The following RTN4 variants were observed in gnomAD, a reference collection of about 807,000 sequenced individuals.
RTN4 encodes the protein reticulon-4.
A neutral mutation model predicts 90.4 loss-of-function variants in RTN4; 32 were observed. That is an observed-to-expected ratio of 0.35 (90% confidence interval 0.27 to 0.48). The LOEUF (loss-of-function observed/expected upper bound fraction) is 0.48. RTN4 is among the 20% of genes least tolerant of loss of function. The probability of loss-of-function intolerance (pLI) is 0.99; values close to 1 mark genes in which losing one functional copy is unlikely to be tolerated. For missense variants in RTN4, 1,706 were observed against 1,430.2 expected, an observed-to-expected ratio of 1.19 and a Z score of -3.11; for synonymous variants, 629 against 552.5, an observed-to-expected ratio of 1.14 and a Z score of -1.94.
In RTN4 at chr2:55,009,928, A is replaced by G. The variant is rs758990567; in HGVS notation, c.3013+15158T>C. On this transcript the variant is annotated intron_variant, in intron 3 of 8. Transcript: ENST00000337526. ...CATGACATTTTCTGGTATACAACCA[A>G]ATGTAAAAACACGTGAGATAGCCGT... Among the ~76,000 whole-genome samples the G allele has an allele frequency of 2.0e-5, 3 of 152,234 alleles. No homozygotes were observed. In the South Asian group the frequency reaches 6.2e-4, roughly 32 times the overall value.
chr2:55,107,232 T>C (rs1033234276), intron 1 of RTN4, among the ~76,000 whole-genome samples: 2 of 151,696 alleles, frequency 1.3e-5, no homozygotes, highest in Admixed American at 6.6e-5. Flanking sequence ...GTCTGGCACA[T>C]TGCAATAATC....
intron 1 of RTN4, among the ~76,000 whole-genome samples, chr2:55,033,075 G>C (rs1220420942): frequency 6.7e-6 from 1 of 149,230 alleles, no homozygotes; most frequent in Non-Finnish European, 1.5e-5. Flanking sequence ...AGAAAAAATG[G>C]CCTAAAATTG....
chr2:55,108,666 C>T (rs756138667), intron 1 of RTN4, among the ~76,000 whole-genome samples: 13 of 152,094 alleles, frequency 8.5e-5, no homozygotes, highest in Non-Finnish European at 1.9e-4. Context: ...TCCTTACCCA[C>T]CTCTCCTCTC....
At chr2:55,098,849 T>C (rs957144782) in intron 1 of RTN4, among the ~76,000 whole-genome samples, 1 of 152,114 alleles carries the variant, frequency 6.6e-6, no homozygotes, top group Non-Finnish European at 1.5e-5. Context: ...CTGCCTTCAT[T>C]CCCCCAATGT....
At chr2:55,123,291 A>T in the RTN4 span, among the ~76,000 whole-genome samples, 29 of 152,324 alleles carry the variant, frequency 1.9e-4, no homozygotes, top group African/African-American at 5.5e-4. Context: ...TGTCACTCAT[A>T]AATTTATATT....
At chr2:55,081,300 C>T (rs1188503070) in intron 1 of RTN4, among the ~76,000 whole-genome samples, 1 of 151,926 alleles carries the variant, frequency 6.6e-6, no homozygotes. Context: ...TCGGCTCGAA[C>T]TCCTGGGCTC....
intron 3 of RTN4, among the ~76,000 whole-genome samples, chr2:55,018,121 T>C (rs565977630): frequency 1.3e-5 from 2 of 152,212 alleles, no homozygotes; most frequent in Non-Finnish European, 2.9e-5. Flanking sequence ...TTACTTAACA[T>C]CCTTAGGCTT....
Position 54,987,670 on chromosome 2 carries a change from A to G in RTN4, c.3042T>C (p.Ile1014=). 1 of 1,614,104 alleles carries G rather than the reference A, an allele frequency of 6.2e-7. No homozygotes were observed. The highest frequency in any genetic ancestry group is 8.5e-7 in the Non-Finnish European group (1 of 1,179,948). Reference sequence around the variant, plus strand: ...CACCAAACACCACTCCAGTCTTCTTAATGTCTCTCCAGTACAGGAGGTCAA... The same window carrying G: ...CACCAAACACCACTCCAGTCTTCTTGATGTCTCTCCAGTACAGGAGGTCAA... ...SVVDLLYWRD[I]KKTGVVFGAS... The change falls in exon 4 of 9, where the codon ATT becomes ATC. Residue 1014 remains isoleucine, a synonymous_variant. Coordinates refer to ENST00000337526, the MANE Select transcript of RTN4 (RefSeq NM_020532.5).
At chr2:55,071,403 A>G (rs1275219644) in intron 2 of RTN4, among the ~76,000 whole-genome samples, 1 of 152,136 alleles carries the variant, frequency 6.6e-6, no homozygotes. Context: ...AAGAAAATGT[A>G]ACCAGACATA....
the RTN4 span, among the ~76,000 whole-genome samples, chr2:55,128,209 T>C: frequency 2.0e-5 from 3 of 152,086 alleles, no homozygotes; most frequent in African/African-American, 7.2e-5. Context: ...TCAAAACTAC[T>C]CCTGTTACAC....
chr2:55,084,012 G>C (rs528132431), intron 1 of RTN4, among the ~76,000 whole-genome samples: 14 of 152,310 alleles, frequency 9.2e-5, no homozygotes, highest in African/African-American at 2.6e-4. Flanking sequence ...TTTCTGGAAG[G>C]GGGGTGGTCA....
chr2:55,074,542 T>G (rs1398945802), intron 2 of RTN4, among the ~76,000 whole-genome samples: 1 of 126,786 alleles, frequency 7.9e-6, no homozygotes, highest in South Asian at 2.4e-4. Flanking sequence ...AAAAAGAAAA[T>G]ATGGAGAAAG....
At chr2:54,995,138 G>A (rs1016085553) in intron 3 of RTN4, among the ~76,000 whole-genome samples, 2 of 151,944 alleles carry the variant, frequency 1.3e-5, no homozygotes, top group African/African-American at 4.8e-5. Context: ...TACTCGGGAG[G>A]CTGAGGCAGG....
chr2:55,078,472 C>T (rs1176553336), intron 2 of RTN4, among the ~76,000 whole-genome samples: 1 of 152,172 alleles, frequency 6.6e-6, no homozygotes, highest in Non-Finnish European at 1.5e-5. Context: ...TCTTCTTCTA[C>T]ATTATAGAGA....
At chr2:55,119,461 T>C in the RTN4 span, among the ~76,000 whole-genome samples, 166 of 152,284 alleles carry the variant, frequency 1.1e-3, 1 homozygote, top group African/African-American at 3.7e-3. Context: ...AGAGAGCTCG[T>C]GTGATAGCTG....
At chr2:54,992,901 C>G (rs1679123026) in intron 3 of RTN4, among the ~76,000 whole-genome samples, 1 of 151,188 alleles carries the variant, frequency 6.6e-6, no homozygotes, top group Non-Finnish European at 1.5e-5. Context: ...AACCCCGTCT[C>G]TACTAAAAAT....
chr2:55,032,233 T>C (rs1196992253), intron 1 of RTN4, among the ~76,000 whole-genome samples: 2 of 151,898 alleles, frequency 1.3e-5, no homozygotes, highest in Non-Finnish European at 2.9e-5. Context: ...GTGTCTGCCA[T>C]CACACCAAGC....
At chr2:55,024,298 T>A (rs1271014000) in intron 3 of RTN4, among the ~76,000 whole-genome samples, 1 of 152,188 alleles carries the variant, frequency 6.6e-6, no homozygotes, top group Non-Finnish European at 1.5e-5. Flanking sequence ...CATAATCTCC[T>A]CTTTCTTAGA....
At chr2:55,123,452 A>G in the RTN4 span, among the ~76,000 whole-genome samples, 6 of 152,166 alleles carry the variant, frequency 3.9e-5, no homozygotes, top group Non-Finnish European at 8.8e-5. Flanking sequence ...CATCAGCAGA[A>G]AGATTATTCT....
Sources: gnomAD v4.1 joint callset for allele counts (sites outside exome capture counted in the v4.1 genomes callset) on GRCh38, gnomAD v4.1.1 for gene constraint, MANE v1.5 for transcripts, NCBI Gene and HGNC (gene_info 2026-07-23, HGNC 2026-07-21) for gene names.